The following SLC12A8 variants were observed in gnomAD, a reference collection of about 807,000 sequenced individuals.
The protein encoded by SLC12A8 is cation-chloride cotransporter 9.
Under a neutral mutation model 75.6 loss-of-function variants are expected in SLC12A8, and 69 were observed. The observed-to-expected ratio is 0.91, with a 90% confidence interval of 0.75 to 1.11. The LOEUF is 1.11. Ranked by LOEUF, SLC12A8 falls within the 50% of genes most tolerant of loss-of-function variation. The pLI is 0.00. For synonymous variants in SLC12A8, 365 were observed against 372.8 expected (o/e 0.98, Z 0.24); for missense variants, 877 against 896.7 (o/e 0.98, Z 0.28).
rs1007181458 is a variant in SLC12A8, at chr3:125,107,901, A to G, written c.1285T>C (p.Cys429Arg). 4.3e-6 allele frequency: 7 copies of G among 1,614,098 alleles called. No individual in the cohort carries two copies. ...TTCTCTAAGAGCAGGTGCTCAGAGC[A>G]GTGGAGGCCTTCTGCGCCCTCCCTG... is the stretch of plus-strand genomic sequence containing the variant. ...VLREGAEGLH[C>R]SEHLLLEKAP... Residue 429 changes from cysteine (C) to arginine (R), a missense_variant, in exon 10 of 14, where the codon TGC becomes CGC. Physicochemically the swap from Cys to Arg is radical, Grantham distance 180. Coordinates refer to ENST00000469902, the MANE Select transcript of SLC12A8 (RefSeq NM_024628.6).
rs543061566 is a variant in SLC12A8, at chr3:125,143,631, G to A, written c.623-7849C>T. On this transcript the variant is annotated intron_variant, in intron 5 of 13. Coordinates refer to ENST00000469902, the MANE Select transcript of SLC12A8 (RefSeq NM_024628.6). The stretch of plus-strand genomic sequence containing the variant: ...TGAAGTGGGGCTTGACCTGCCCAGA[G>A]GGCCAGGGGAGTCCCGCCCAGCCTG... 3.3e-5 allele frequency among the ~76,000 whole-genome samples: 5 copies of A among 152,384 alleles called. No homozygotes were observed. In the South Asian group the frequency reaches 1.0e-3, roughly 32 times the overall value.
intron 7 of SLC12A8, 59 bp downstream of exon 7, chr3:125,120,540 T>C: frequency 8.0e-7 from 1 of 1,257,692 alleles, no homozygotes; most frequent in South Asian, 1.2e-5. Flanking sequence ...ATCCCTCTTC[T>C]GCCTGGGGTT....
At chr3:125,097,564 G>A (rs959564251) in intron 10 of SLC12A8, among the ~76,000 whole-genome samples, 64 of 105,212 alleles carry the variant, frequency 6.1e-4, no homozygotes, top group Non-Finnish European at 1.2e-3. Flanking sequence ...GTGTGTGTGT[G>A]TGTGTGTGTG....
intron 5 of SLC12A8, among the ~76,000 whole-genome samples, chr3:125,172,861 T>C (rs1008174007): frequency 6.6e-6 from 1 of 152,196 alleles, no homozygotes; most frequent in Admixed American, 6.5e-5. Flanking sequence ...AAGTGTACTT[T>C]AAAAAAACTT....
chr3:125,084,737 A>G (rs1356514591), intron 13 of SLC12A8, among the ~76,000 whole-genome samples: 1 of 152,194 alleles, frequency 6.6e-6, no homozygotes, highest in South Asian at 2.1e-4. Context: ...TACGGAAGGC[A>G]GACCCAGTCA....
intron 2 of SLC12A8, among the ~76,000 whole-genome samples, chr3:125,200,525 T>C (rs1362798546): frequency 6.6e-6 from 1 of 152,226 alleles, no homozygotes; most frequent in Non-Finnish European, 1.5e-5. Context: ...AGAAATATTT[T>C]AAAAACAGAA....
At chr3:125,160,278 G>C (rs1336277179) in intron 5 of SLC12A8, among the ~76,000 whole-genome samples, 1 of 152,216 alleles carries the variant, frequency 6.6e-6, no homozygotes, top group Non-Finnish European at 1.5e-5. Flanking sequence ...TGGTAGGTGA[G>C]GTACTCACCT....
chr3:125,163,031 C>A (rs1934208417), intron 5 of SLC12A8, among the ~76,000 whole-genome samples: 1 of 152,172 alleles, frequency 6.6e-6, no homozygotes, highest in Non-Finnish European at 1.5e-5. Context: ...GGGCCAGGTG[C>A]GGTGGCTCAT....
chr3:125,110,412 C>T (rs546538738), intron 8 of SLC12A8, 77 bp from the exon 9 acceptor site: 17 of 1,450,012 alleles, frequency 1.2e-5, no homozygotes, highest in East Asian at 9.2e-5. Context: ...ACCCACCCAC[C>T]TGCACCCCAT....
At chr3:125,189,402 A>T (rs1934863657) in intron 3 of SLC12A8, among the ~76,000 whole-genome samples, 1 of 152,156 alleles carries the variant, frequency 6.6e-6, no homozygotes, top group Non-Finnish European at 1.5e-5. Flanking sequence ...TCACCCATCT[A>T]GTCCAGCTCA....
At chr3:125,101,424 A>G (rs1253010721) in intron 10 of SLC12A8, among the ~76,000 whole-genome samples, 1 of 152,244 alleles carries the variant, frequency 6.6e-6, no homozygotes, top group East Asian at 1.9e-4. Flanking sequence ...TTTCAAATGT[A>G]AAACTTTGTA....
rs13975 is a variant in SLC12A8 at position 125,083,387 on chromosome 3, T to C, written c.*503A>G. ...TGAGACGTGGTCCTCAGAATCCAGA[T>C]TTCCTTTTTTGTCTTTTTCCTTCTT... is the stretch of plus-strand genomic sequence containing the variant. On this transcript the variant is annotated 3_prime_UTR_variant, in exon 14 of 14. Coordinates refer to ENST00000469902, the MANE Select transcript of SLC12A8 (RefSeq NM_024628.6). The C allele has an allele frequency of 0.61, 95,344 of 157,016 alleles. 30,100 individuals carry two copies. The highest frequency in any genetic ancestry group is 0.78 in the African/African-American group (32,360 of 41,428). 9.7% of individuals were successfully genotyped at this position (157,016 alleles called of 1,614,324 possible).
intron 13 of SLC12A8, among the ~76,000 whole-genome samples, chr3:125,085,700 C>T (rs1305285196): frequency 6.6e-6 from 1 of 152,114 alleles, no homozygotes; most frequent in Non-Finnish European, 1.5e-5. Flanking sequence ...CCTCAGCCTC[C>T]CAAGTAGCTG....
intron 5 of SLC12A8, among the ~76,000 whole-genome samples, chr3:125,167,054 G>A (rs1225489388): frequency 2.0e-5 from 3 of 152,050 alleles, no homozygotes; most frequent in Non-Finnish European, 2.9e-5. Context: ...AAGCAAAACT[G>A]GCAAAATAAT....
In SLC12A8 at chr3:125,187,312, G is replaced by T. The variant is rs763264482; in HGVS notation, c.315C>A (p.Gly105=). The change falls in exon 4 of 14, where the codon GGC becomes GGA. Residue 105 remains glycine, a synonymous_variant. Coordinates refer to ENST00000469902, the MANE Select transcript of SLC12A8 (RefSeq NM_024628.6). ...VGERSSIGSG[G]VYSMISSVLG... is the part of the protein sequence containing the mutation. ...GGACCGAGGAGATCATGGAGTAGAC[G>T]CCACCGCTGCCGATGCTGCTGCGCT... The T allele has an allele frequency of 6.2e-7, 1 of 1,614,190 alleles. No individual in the cohort carries two copies. The highest frequency in any genetic ancestry group is 8.5e-7 in the Non-Finnish European group (1 of 1,180,036).
intron 6 of SLC12A8, among the ~76,000 whole-genome samples, chr3:125,123,951 G>C (rs28589555): frequency 0.061 from 9,219 of 152,174 alleles, 879 homozygotes; most frequent in African/African-American, 0.21. Context: ...ATATGCTTCT[G>C]TGGAGGAAAA....
At chr3:125,128,836 C>T (rs912214173) in intron 6 of SLC12A8, among the ~76,000 whole-genome samples, 1 of 152,058 alleles carries the variant, frequency 6.6e-6, no homozygotes, top group Admixed American at 6.5e-5. Context: ...CCAGGGGACG[C>T]CTAGGAGGGG....
At chr3:125,186,554 C>T (rs1257475612) in intron 4 of SLC12A8, among the ~76,000 whole-genome samples, 1 of 152,162 alleles carries the variant, frequency 6.6e-6, no homozygotes, top group African/African-American at 2.4e-5. Flanking sequence ...TTTTTCAATC[C>T]AAGAAATGCT....
At chr3:125,148,915 C>G (rs1398374126) in intron 5 of SLC12A8, among the ~76,000 whole-genome samples, 1 of 152,216 alleles carries the variant, frequency 6.6e-6, no homozygotes, top group Non-Finnish European at 1.5e-5. Context: ...TCTGCAAATT[C>G]CCCACAGCCA....
Sources: allele counts gnomAD v4.1 joint callset (sites outside exome capture counted in the v4.1 genomes callset), GRCh38; gene constraint gnomAD v4.1.1; transcripts MANE v1.5; gene names NCBI Gene and HGNC (gene_info 2026-07-23, HGNC 2026-07-21).